The following PITPNM2 variants were observed in gnomAD, a reference collection of about 807,000 sequenced individuals.
PITPNM2 encodes phosphatidylinositol transfer protein membrane associated 2.
Under a neutral mutation model 132.2 loss-of-function variants are expected in PITPNM2, and 35 were observed. That is an observed-to-expected ratio of 0.26 (90% CI 0.20 to 0.35). The LOEUF is 0.35. PITPNM2 is among the 10% of genes least tolerant of loss of function. PITPNM2 has a pLI of 1.00. For missense variants in PITPNM2, 1,332 were observed against 1,912.0 expected (o/e 0.70, Z 5.66); for synonymous variants, 738 against 799.2 (o/e 0.92, Z 1.29).
At chr12:123,001,221 G>T (rs1017215776) in intron 8 of PITPNM2, 63 bp from the exon 9 acceptor site, 3 of 1,318,208 alleles carry the variant, frequency 2.3e-6, no homozygotes, top group African/African-American at 1.4e-5. Flanking sequence ...GGCTTCCCGA[G>T]GTGGGGACGC....
rs933805211 is a variant in PITPNM2, at chr12:123,064,385, G to A, written c.-95-29700C>T. ...GCACCCCAAGGCCTGCAGCCCACAG[G>A]AGGCTCTCAGCCACCACGGGGCACA... is the stretch of plus-strand genomic sequence containing the variant. On this transcript the variant is annotated intron_variant, in intron 2 of 25. Transcript: ENST00000320201. This position sits in a 1 kb window ranked among gnomAD's most constrained non-coding sequence, Gnocchi z 4.0. Among the ~76,000 whole-genome samples the A allele has an allele frequency of 2.0e-5, 3 of 152,232 alleles. No homozygotes were observed. Among genetic ancestry groups the A allele is most frequent in the African/African-American group, 4.8e-5 (2 of 41,454 alleles).
At chr12:123,148,264 T>C (rs1249979634) in intron 1 of PITPNM2, among the ~76,000 whole-genome samples, 2 of 152,220 alleles carry the variant, frequency 1.3e-5, no homozygotes, top group African/African-American at 4.8e-5. Flanking sequence ...GCAAAGGGAT[T>C]GATCTCATCT....
intron 2 of PITPNM2, among the ~76,000 whole-genome samples, chr12:123,103,840 A>C (rs2042624760): frequency 6.6e-6 from 1 of 152,200 alleles, no homozygotes; most frequent in African/African-American, 2.4e-5. Context: ...TCTTTTAAGC[A>C]AGAGGCACCC....
chr12:123,086,223 C>T (rs1394353412), intron 2 of PITPNM2, among the ~76,000 whole-genome samples: 1 of 152,194 alleles, frequency 6.6e-6, no homozygotes, highest in Admixed American at 6.5e-5. Flanking sequence ...CTTCCTGCTC[C>T]CTGGCTACAG....
rs2038886915 is a variant in PITPNM2, at chr12:123,005,410, T to C, written c.782A>G (p.Asn261Ser). 3 of 1,614,022 alleles carry C rather than the reference T, an allele frequency of 1.9e-6. No homozygotes were observed. Among genetic ancestry groups the C allele is most frequent in the African/African-American group, 1.3e-5 (1 of 74,920 alleles). Residue 261 changes from asparagine to serine, a missense_variant, in exon 7 of 26, where the codon AAT becomes AGT. Asn to Ser is a conservative substitution (Grantham distance 46). This residue lies in a region of PITPNM2 where 710 missense variants were observed against 911.5 expected (regional missense o/e 0.78). Transcript: ENST00000320201. The surrounding 1 kb of genome is among the most constrained non-coding windows in gnomAD (Gnocchi z 6.2). ...CTCAGTGGCCTCCTCACCATCCTCA[T>C]TGAACTGGGCCATCTTACGGGAAAG... ...LMLSRKMAQF[N>S]EDGEEATELV... is the part of the protein sequence containing the mutation.
chr12:123,072,224 C>G (rs948272915), intron 2 of PITPNM2, among the ~76,000 whole-genome samples: 3 of 152,184 alleles, frequency 2.0e-5, no homozygotes, highest in Non-Finnish European at 4.4e-5. Flanking sequence ...TGAGGGCATC[C>G]ATCGCTAACT....
Position 123,106,910 on chromosome 12 carries a change from G to T in PITPNM2, c.-96+3475C>A, listed in dbSNP as rs2042728317. On this transcript the variant is annotated intron_variant, in intron 2 of 25. Transcript: ENST00000320201. This position sits in a 1 kb window ranked among gnomAD's most constrained non-coding sequence, Gnocchi z 4.4. ...ACGGACAGGCCTGCATTCCCATGTGGGACTAGGGCTGCCTGAGAGGAGGGA... is the reference window on the plus strand; with the variant it reads ...ACGGACAGGCCTGCATTCCCATGTGTGACTAGGGCTGCCTGAGAGGAGGGA... Among the ~76,000 whole-genome samples the T allele has an allele frequency of 6.6e-6, 1 of 152,232 alleles. No homozygotes were observed. Among genetic ancestry groups the T allele is most frequent in the African/African-American group, 2.4e-5 (1 of 41,462 alleles).
At chr12:123,119,119 G>T (rs1287488896) in intron 1 of PITPNM2, among the ~76,000 whole-genome samples, 3 of 152,112 alleles carry the variant, frequency 2.0e-5, no homozygotes, top group Non-Finnish European at 4.4e-5. Context: ...GCCTCTTCAG[G>T]ACTCAAGTGA....
chr12:123,056,509 C>T (rs1221624021), intron 2 of PITPNM2, among the ~76,000 whole-genome samples: 1 of 152,238 alleles, frequency 6.6e-6, no homozygotes. Flanking sequence ...ACACTGCCTT[C>T]ATGGGCCTGG....
intron 2 of PITPNM2, among the ~76,000 whole-genome samples, chr12:123,076,588 A>G (rs557668972): frequency 9.2e-5 from 14 of 152,264 alleles, no homozygotes; most frequent in African/African-American, 2.6e-4. Flanking sequence ...TTGTGAGCCA[A>G]TTCTGGTCCC....
Position 123,008,190 on chromosome 12 carries a change from G to T in PITPNM2, c.643+1660C>A, listed in dbSNP as rs2039022590. On this transcript the variant is annotated intron_variant, in intron 6 of 25. Transcript: ENST00000320201. The surrounding 1 kb of genome is among the most constrained non-coding windows in gnomAD (Gnocchi z 4.1). ...CACAAGCTCCTGCTTTCTGAGGGGA[G>T]AACTGACTTTCAGGGAGCTGGGGAG... is the stretch of plus-strand genomic sequence containing the variant. 6.6e-6 allele frequency among the ~76,000 whole-genome samples: 1 copy of T among 152,234 alleles called. No homozygotes were observed. Among genetic ancestry groups the T allele is most frequent in the South Asian group, 2.1e-4 (1 of 4,832 alleles).
rs1017787338 is a variant in PITPNM2 at position 123,023,102 on chromosome 12, G to C, written c.79-9060C>G. Among the ~76,000 whole-genome samples, 1 of 152,264 alleles carries C rather than the reference G, an allele frequency of 6.6e-6. No individual in the cohort carries two copies. The highest frequency in any genetic ancestry group is 2.4e-5 in the African/African-American group (1 of 41,468). ...AATGAGGTAGGCAGTTCGAAGCACA[G>C]GCTGGGCTGGGGCCAGCTCACTGGA... is the stretch of plus-strand genomic sequence containing the variant. On this transcript the variant is annotated intron_variant, in intron 3 of 25. Coordinates refer to ENST00000320201, the MANE Select transcript of PITPNM2 (RefSeq NM_020845.3). The surrounding 1 kb of genome is among the most constrained non-coding windows in gnomAD (Gnocchi z 4.8).
At position 123,001,263 on chromosome 12, in the gene PITPNM2, C is replaced by T. The variant is rs1262390492; in HGVS notation, c.1049-105G>A. 10 of 821,690 alleles carry T rather than the reference C, an allele frequency of 1.2e-5. No individual in the cohort carries two copies. The East Asian group carries it at 2.2e-4, about 18-fold the overall frequency. The allele number at this position is 821,690 out of a possible 1,614,324, so 50.9% of individuals were successfully genotyped here. On this transcript the variant is annotated intron_variant, in intron 8 of 25. Transcript: ENST00000320201. ...GTACGGCTCTGCTCTGACCGTTCCTCAACAGGACGGCCACACAGCCCCACA... is the reference window on the plus strand; with the variant it reads ...GTACGGCTCTGCTCTGACCGTTCCTTAACAGGACGGCCACACAGCCCCACA...
chr12:123,019,159 T>C (rs1358557486), intron 3 of PITPNM2, among the ~76,000 whole-genome samples: 2 of 152,176 alleles, frequency 1.3e-5, no homozygotes, highest in African/African-American at 2.4e-5. Context: ...TCTGTGAATA[T>C]ACCGAGAACC....
rs751198753 is a variant in PITPNM2, at chr12:122,992,530, G to A, written c.2373C>T (p.Tyr791=). 1.9e-6 allele frequency: 3 copies of A among 1,611,266 alleles called. No homozygotes were observed. The highest frequency in any genetic ancestry group is 2.5e-6 in the Non-Finnish European group (3 of 1,179,518). Residue 791 remains tyrosine (Y), a synonymous_variant, in exon 16 of 26, where the codon TAC becomes TAT. Coordinates refer to ENST00000320201, the MANE Select transcript of PITPNM2 (RefSeq NM_020845.3). The surrounding 1 kb of genome is among the most constrained non-coding windows in gnomAD (Gnocchi z 6.5). Reference sequence around the variant, plus strand: ...GCGTGGAGCAGCCATCCCCCAGCGGGTAGCGTTGGTAGCGGGGGACGCTGA... The same window carrying A: ...GCGTGGAGCAGCCATCCCCCAGCGGATAGCGTTGGTAGCGGGGGACGCTGA... The part of the protein sequence containing the change: ...PPFSVPRYQR[Y]PLGDGCSTLL...
chr12:123,062,224 G>A (rs1316215460), intron 2 of PITPNM2, among the ~76,000 whole-genome samples: 5 of 152,138 alleles, frequency 3.3e-5, no homozygotes, highest in African/African-American at 1.2e-4. Context: ...GGGGTCCAGC[G>A]CCTGCACTTC....
intron 2 of PITPNM2, chr12:123,089,143 T>G (rs916397291): frequency 6.6e-6 from 1 of 152,130 alleles, no homozygotes; most frequent in Non-Finnish European, 1.5e-5. Context: ...AGCTACATAT[T>G]TACTCTAAAA....
chr12:123,069,214 T>C (rs879708338), intron 2 of PITPNM2, among the ~76,000 whole-genome samples: 16 of 149,380 alleles, frequency 1.1e-4, no homozygotes, highest in Admixed American at 4.0e-4. Context: ...ACCACTGCAC[T>C]CCAGCCTGGA....
In PITPNM2 at chr12:123,031,677, G is replaced by A. The variant is rs1366562376; in HGVS notation, c.78+2836C>T. On this transcript the variant is annotated intron_variant, in intron 3 of 25. Coordinates refer to ENST00000320201, the MANE Select transcript of PITPNM2 (RefSeq NM_020845.3). The surrounding 1 kb of genome is among the most constrained non-coding windows in gnomAD (Gnocchi z 4.5). ...CTCAAGGCCTGCCCAGAGGAGAGCTGCCCAGCCAGCCAGCCTGAGCAGGAA... is the reference window on the plus strand; with the variant it reads ...CTCAAGGCCTGCCCAGAGGAGAGCTACCCAGCCAGCCAGCCTGAGCAGGAA... Among the ~76,000 whole-genome samples the A allele has an allele frequency of 6.6e-6, 1 of 152,176 alleles. No homozygotes were observed. The highest frequency in any genetic ancestry group is 1.5e-5 in the Non-Finnish European group (1 of 68,028).
Sources: gnomAD v4.1 joint callset for allele counts (sites outside exome capture counted in the v4.1 genomes callset) on GRCh38, gnomAD v4.1.1 for gene constraint, gnomAD v4.1.1 regional missense constraint, Gnocchi (gnomAD v3.1) non-coding constraint, MANE v1.5 for transcripts, NCBI Gene and HGNC (gene_info 2026-07-23, HGNC 2026-07-21) for gene names.